The following TECPR2 variants were observed in gnomAD, a reference collection of about 807,000 sequenced individuals.
TECPR2 encodes the protein tectonin beta-propeller repeat-containing protein 2.
In TECPR2, 65 loss-of-function variants were observed where a neutral mutation model predicts 138.1. The observed-to-expected ratio is 0.47, with a 90% CI of 0.39 to 0.58. The LOEUF (loss-of-function observed/expected upper bound fraction) is 0.58, where lower values mean the gene tolerates loss of function less well. Ranked by LOEUF, TECPR2 falls within the 20% of genes least tolerant of loss-of-function variation. The pLI is 0.00. For missense variants in TECPR2, 1,553 were observed against 1,824.5 expected, an observed-to-expected ratio of 0.85 and a Z score of 2.71; for synonymous variants, 746 against 749.8, an observed-to-expected ratio of 0.99 and a Z score of 0.08.
At chr14:102,366,063 A>G (rs1302610638) in intron 1 of TECPR2, among the ~76,000 whole-genome samples, 1 of 152,234 alleles carries the variant, frequency 6.6e-6, no homozygotes, top group African/African-American at 2.4e-5. Flanking sequence ...TCCTGAAACC[A>G]TTAGTGTACC....
At position 102,389,453 on chromosome 14, in the gene TECPR2, T is replaced by C. The variant is rs185088452; in HGVS notation, c.219+12513T>C. Among the ~76,000 whole-genome samples, 43 of 152,322 alleles carry C rather than the reference T, an allele frequency of 2.8e-4. No homozygotes were observed. The East Asian group carries it at 6.4e-3, about 23-fold the overall frequency. The stretch of plus-strand genomic sequence containing the variant: ...AGTTGCTATTAGGTAACAAAACTTA[T>C]AGAGCTTTAGTAATTAAGGGAGTGT... On this transcript the variant is annotated intron_variant, in intron 2 of 19. Transcript: ENST00000359520.
rs891966027 is a variant in TECPR2 at position 102,499,185 on chromosome 14, G to C, written c.*928G>C. 1.4e-6 allele frequency: 1 copy of C among 702,276 alleles called. No individual in the cohort carries two copies. The highest frequency in any genetic ancestry group is 1.5e-5 in the South Asian group (1 of 67,576). 43.5% of individuals were successfully genotyped at this position (702,276 alleles called of 1,614,324 possible). A position where few individuals can be genotyped will look rare whatever the true frequency, so the allele number is the denominator to read the frequency against. On this transcript the variant is annotated 3_prime_UTR_variant, in exon 20 of 20. Coordinates refer to ENST00000359520, the MANE Select transcript of TECPR2 (RefSeq NM_014844.5). ...GTCCCAGGTAGGGACGGCACAGGAGGGTGCATGGGGCGTGGGGGAGCTGAG... is the reference window on the plus strand; with the variant it reads ...GTCCCAGGTAGGGACGGCACAGGAGCGTGCATGGGGCGTGGGGGAGCTGAG...
chr14:102,438,121 C>T lies in TECPR2; in HGVS notation c.2494C>T (p.Leu832=), dbSNP rs1889723156. 6.2e-7 allele frequency: 1 copy of T among 1,613,926 alleles called. No individual in the cohort carries two copies. The highest frequency in any genetic ancestry group is 8.5e-7 in the Non-Finnish European group (1 of 1,179,988). ...YIWCLDYKGG[L]FCSALPGAGL... ...CTGGTGCCTGGACTACAAAGGCGGC[C>T]TGTTCTGCAGCGCGTTGCCGGGCGC... The change falls in exon 10 of 20, where the codon CTG becomes TTG. Residue 832 remains leucine (L), a synonymous_variant. Coordinates refer to ENST00000359520, the MANE Select transcript of TECPR2 (RefSeq NM_014844.5).
At chr14:102,497,956 G>T in intron 19 of TECPR2, 147 bp from the exon 20 acceptor site, 1 of 1,184,042 alleles carries the variant, frequency 8.4e-7, no homozygotes, top group Non-Finnish European at 1.2e-6. Flanking sequence ...CTGAGGGTAC[G>T]AAGTTCACAT....
intron 16 of TECPR2, among the ~76,000 whole-genome samples, chr14:102,460,952 C>T (rs1213356388): frequency 6.6e-6 from 1 of 152,078 alleles, no homozygotes; most frequent in African/African-American, 2.4e-5. Context: ...GCCTCAGCCT[C>T]CCAAAGTGCT....
intron 1 of TECPR2, 32 bp downstream of exon 1, chr14:102,363,148 C>T (rs1040789080): frequency 9.2e-5 from 31 of 337,806 alleles, no homozygotes; most frequent in Non-Finnish European, 1.6e-4. Flanking sequence ...GCGGCCCCGA[C>T]GCCCCCGACG....
intron 2 of TECPR2, among the ~76,000 whole-genome samples, chr14:102,397,335 G>C (rs758000494): frequency 5.3e-5 from 8 of 151,696 alleles, no homozygotes; most frequent in Non-Finnish European, 8.8e-5. Flanking sequence ...GGCACACAAA[G>C]AAACAGGAAA....
chr14:102,428,209 T>G, intron 6 of TECPR2, 41 bp from the exon 7 acceptor site: 1 of 1,497,868 alleles, frequency 6.7e-7, no homozygotes, highest in Non-Finnish European at 8.9e-7. Context: ...CGTTGTTTAG[T>G]TTTGTGTTTT....
chr14:102,470,453 A>C (rs1213733040), intron 17 of TECPR2, among the ~76,000 whole-genome samples: 3 of 151,284 alleles, frequency 2.0e-5, no homozygotes, highest in African/African-American at 7.3e-5. Context: ...GACTACAGGC[A>C]TGTACCACCA....
intron 17 of TECPR2, among the ~76,000 whole-genome samples, chr14:102,478,573 G>T (rs1890818681): frequency 6.6e-6 from 1 of 151,802 alleles, no homozygotes; most frequent in African/African-American, 2.4e-5. Context: ...TCCAGCTACT[G>T]GGGAGGTTGA....
In TECPR2 at chr14:102,498,355, T is replaced by C; in HGVS notation, c.*98T>C. The C allele has an allele frequency of 1.4e-6, 2 of 1,400,008 alleles. No individual in the cohort carries two copies. The highest frequency in any genetic ancestry group is 1.4e-5 in the South Asian group (1 of 71,454). The allele number at this position is 1,400,008 out of a possible 1,614,324, so 86.7% of individuals were successfully genotyped here. A position where few individuals can be genotyped will look rare whatever the true frequency, so the allele number is the denominator to read the frequency against. Reference sequence around the variant, plus strand: ...GGTGGACGCGCTGCCTCAACACTTGTCCAGACACCTCTGGCCAGGTTGGAC... The same window carrying C: ...GGTGGACGCGCTGCCTCAACACTTGCCCAGACACCTCTGGCCAGGTTGGAC... On this transcript the variant is annotated 3_prime_UTR_variant, in exon 20 of 20. Transcript: ENST00000359520.
chr14:102,476,951 G>A (rs893006518), intron 17 of TECPR2, among the ~76,000 whole-genome samples: 1 of 152,176 alleles, frequency 6.6e-6, no homozygotes, highest in Admixed American at 6.5e-5. Flanking sequence ...GCTGAGGTGG[G>A]AGGATCCCTT....
At chr14:102,394,750 G>A (rs765500612) in intron 2 of TECPR2, among the ~76,000 whole-genome samples, 16 of 152,210 alleles carry the variant, frequency 1.1e-4, no homozygotes, top group South Asian at 4.1e-4. Flanking sequence ...CCTGGCACAG[G>A]AAAACAAAGA....
chr14:102,379,595 A>C (rs1887738070), intron 2 of TECPR2, among the ~76,000 whole-genome samples: 1 of 151,048 alleles, frequency 6.6e-6, no homozygotes, highest in Non-Finnish European at 1.5e-5. Flanking sequence ...ACACTGCTGA[A>C]GATCACAGTC....
intron 2 of TECPR2, among the ~76,000 whole-genome samples, chr14:102,379,906 A>G (rs1887754128): frequency 6.7e-6 from 1 of 149,256 alleles, no homozygotes; most frequent in Admixed American, 6.7e-5. Context: ...GCTGAAGATC[A>G]CCATCTTAAA....
chr14:102,366,467 C>T (rs781771070), intron 1 of TECPR2, among the ~76,000 whole-genome samples: 1 of 152,206 alleles, frequency 6.6e-6, no homozygotes, highest in Non-Finnish European at 1.5e-5. Context: ...CTGCCTCAGC[C>T]TCCCAAGTAG....
chr14:102,422,504 C>T (rs903163435), intron 5 of TECPR2, among the ~76,000 whole-genome samples: 1 of 152,148 alleles, frequency 6.6e-6, no homozygotes, highest in Non-Finnish European at 1.5e-5. Context: ...AGTGCGACAG[C>T]TTCTTTTTAT....
chr14:102,498,121 T>C lies in TECPR2; in HGVS notation c.4100T>C (p.Leu1367Pro). The C allele has an allele frequency of 6.2e-7, 1 of 1,613,398 alleles. No homozygotes were observed. Among genetic ancestry groups the C allele is most frequent in the South Asian group, 1.1e-5 (1 of 91,046 alleles). The change falls in exon 20 of 20, where the codon CTG becomes CCG. Residue 1367 changes from leucine (L) to proline (P), a missense_variant. Transcript: ENST00000359520. ...CCTGCAGTGACTGCGTCAGATGAGC[T>C]GTGGGCTGTGGGCCCGCCCGGCTAC... is the stretch of plus-strand genomic sequence containing the variant. ...SCFTVTASDE[L>P]WAVGPPGYLL...
chr14:102,487,025 T>TAGACGGAC (rs1180796289), intron 17 of TECPR2, among the ~76,000 whole-genome samples: 1 of 152,134 alleles, frequency 6.6e-6, no homozygotes, highest in Non-Finnish European at 1.5e-5. Flanking sequence ...GCTGCACGGA[T>TAGACGGAC]AGACGGACAG....
Sources: gnomAD v4.1 joint callset for allele counts (sites outside exome capture counted in the v4.1 genomes callset) on GRCh38, gnomAD v4.1.1 for gene constraint, MANE v1.5 for transcripts, NCBI Gene and HGNC (gene_info 2026-07-23, HGNC 2026-07-21) for gene names.